TULP2: variants seen among roughly 807,000 people sequenced by gnomAD.
TULP2 encodes the protein TUB like protein 2.
A neutral mutation model predicts 60.3 loss-of-function variants in TULP2; 64 were observed. The ratio of observed to expected loss-of-function variants is 1.06; its 90% CI spans 0.87 to 1.31. TULP2 has a LOEUF of 1.31. Among genes scored for constraint, TULP2 ranks in the 50% most tolerant of loss-of-function variants. TULP2 has a pLI of 0.00. For missense variants in TULP2, 652 were observed against 667.0 expected, an observed-to-expected ratio of 0.98 and a Z score of 0.25; for synonymous variants, 267 against 265.4, an observed-to-expected ratio of 1.01 and a Z score of -0.06.
At chr19:48,893,697 G>A (rs2037253876) in intron 6 of TULP2, among the ~76,000 whole-genome samples, 1 of 152,078 alleles carries the variant, frequency 6.6e-6, no homozygotes, top group Non-Finnish European at 1.5e-5. Context: ...AGGATTACAG[G>A]TGCATGCCAC....
At chr19:48,887,430 T>C (rs1161264802) in intron 8 of TULP2, among the ~76,000 whole-genome samples, 1 of 145,010 alleles carries the variant, frequency 6.9e-6, no homozygotes, top group East Asian at 2.1e-4. Context: ...GCTCAAGCAA[T>C]CCTCTCACCT....
Position 48,888,113 on chromosome 19 carries a change from C to A in TULP2, c.785G>T (p.Arg262Leu), listed in dbSNP as rs113182131. 11 of 1,614,196 alleles carry A rather than the reference C, an allele frequency of 6.8e-6. No individual in the cohort carries two copies. Among genetic ancestry groups the A allele is most frequent in the South Asian group, 1.1e-5 (1 of 91,088 alleles). ...HMRHEASLAI[R>L]SPCPGLEEDM... ...CTCCTCCAGCCCAGGGCAGGGGGAG[C>A]GGATTGCCAAGGAGGCTTCGTGCCT... is the stretch of plus-strand genomic sequence containing the variant. Residue 262 changes from arginine to leucine, a missense_variant, in exon 8 of 13, where the codon CGC becomes CTC. Coordinates refer to ENST00000221399, the MANE Select transcript of TULP2 (RefSeq NM_003323.3).
chr19:48,888,018 T>C lies in TULP2; in HGVS notation c.880A>G (p.Lys294Glu). The C allele has an allele frequency of 6.2e-7, 1 of 1,614,216 alleles. No homozygotes were observed. Among genetic ancestry groups the C allele is most frequent in the Non-Finnish European group, 8.5e-7 (1 of 1,180,038 alleles). ...TMMQCYLTRDKHGVDKGLFPL... is the reference protein window; with the variant it reads ...TMMQCYLTRDEHGVDKGLFPL... ...AACAAGCCCTTGTCCACGCCGTGCT[T>C]GTCACGGGTGAGGTAGCACTGCATC... The change falls in exon 8 of 13, where the codon AAG (lysine) becomes GAG (glutamate). Residue 294 changes from lysine (K) to glutamate (E), a missense_variant. Transcript: ENST00000221399.
rs749616707 is a variant in TULP2 at position 48,895,030 on chromosome 19, C to T, written c.482G>A (p.Arg161Gln). The change falls in exon 6 of 13, where the codon CGA becomes CAA. Residue 161 changes from arginine (R) to glutamine (Q), a missense_variant. Physicochemically the swap from Arg to Gln is conservative, Grantham distance 43 (BLOSUM62 1). Transcript: ENST00000221399. ...TTGGTGGGCTTGCCAACCCTTGCGT[C>T]GGATTCTCGGAGACTGTTTAAAAGG... is the stretch of plus-strand genomic sequence containing the variant. ...PPPFKQSPRI[R>Q]RKGWQAHQRP... The T allele has an allele frequency of 9.9e-6, 16 of 1,613,606 alleles. No homozygotes were observed. The highest frequency in any genetic ancestry group is 1.0e-5 in the Non-Finnish European group (12 of 1,179,920).
intron 11 of TULP2, 29 bp downstream of exon 11, chr19:48,883,725 C>T (rs369273868): frequency 1.9e-5 from 30 of 1,612,292 alleles, no homozygotes; most frequent in Admixed American, 6.7e-5. Context: ...TCTCCATTGA[C>T]CCAGAGATTC....
At position 48,897,732 on chromosome 19, in the gene TULP2, G is replaced by T; in HGVS notation, c.32+105C>A. 8.0e-7 allele frequency: 1 copy of T among 1,244,184 alleles called. No homozygotes were observed. Among genetic ancestry groups the T allele is most frequent in the Non-Finnish European group, 1.2e-6 (1 of 845,900 alleles). The allele number at this position is 1,244,184 out of a possible 1,614,324, so 77.1% of individuals were successfully genotyped here. A position where few individuals can be genotyped will look rare whatever the true frequency, so the allele number is the denominator to read the frequency against. On this transcript the variant is annotated intron_variant, in intron 2 of 12. Coordinates refer to ENST00000221399, the MANE Select transcript of TULP2 (RefSeq NM_003323.3). This position sits in a 1 kb window ranked among gnomAD's most constrained non-coding sequence, Gnocchi z 4.0. ...CAGGTCCCCAGCCCCTTCCTGCAAGGCCGATGGTGCTGAACCTGCAAACAT... is the reference window on the plus strand; with the variant it reads ...CAGGTCCCCAGCCCCTTCCTGCAAGTCCGATGGTGCTGAACCTGCAAACAT...
At position 48,884,018 on chromosome 19, in the gene TULP2, T is replaced by C; in HGVS notation, c.1090A>G (p.Ile364Val). 3.7e-6 allele frequency: 6 copies of C among 1,614,118 alleles called. No homozygotes were observed. The African/African-American group carries it at 8.0e-5, about 22-fold the overall frequency. ...TCAGGATTCACCCCATTGTCAAAGA[T>C]GGTGAACTTGGTGCTGAAGACATTG... ...RSNVFSTKFT[I>V]FDNGVNPDRE... The change falls in exon 10 of 13, where the codon ATC (isoleucine) becomes GTC (valine). Residue 364 changes from isoleucine (I) to valine (V), a missense_variant. Coordinates refer to ENST00000221399, the MANE Select transcript of TULP2 (RefSeq NM_003323.3).
In TULP2 at chr19:48,888,209, G is replaced by T; in HGVS notation, c.689C>A (p.Ser230Tyr). ...REASESTGTN[S>Y]SAAHNEELSK... Reference sequence around the variant, plus strand: ...CAACTCTTCGTTGTGTGCTGCTGAGGAGTTCGTCCCTGTAGACTCAGAGGC... The same window carrying T: ...CAACTCTTCGTTGTGTGCTGCTGAGTAGTTCGTCCCTGTAGACTCAGAGGC... Residue 230 changes from serine (S) to tyrosine (Y), a missense_variant, in exon 8 of 13, where the codon TCC becomes TAC. By Grantham distance (144) the Ser-to-Tyr change is moderately radical. Coordinates refer to ENST00000221399, the MANE Select transcript of TULP2 (RefSeq NM_003323.3). The T allele has an allele frequency of 1.9e-6, 3 of 1,613,074 alleles. No homozygotes were observed. The highest frequency in any genetic ancestry group is 2.5e-6 in the Non-Finnish European group (3 of 1,179,182).
chr19:48,883,688 G>T, intron 11 of TULP2, 66 bp downstream of exon 11: 1 of 1,556,886 alleles, frequency 6.4e-7, no homozygotes, highest in Non-Finnish European at 8.8e-7. Flanking sequence ...CCTCCTCTGG[G>T]ATCTAGGAGG....
chr19:48,887,981 T>C lies in TULP2; in HGVS notation c.917A>G (p.Tyr306Cys). ...GVDKGLFPLY[Y>C]LYLETSDSLQ... is the part of the protein sequence containing the mutation. Reference sequence around the variant, plus strand: ...GCTGTCAGAGGTCTCCAGGTAGAGGTAGTAGAGGGGGAACAAGCCCTTGTC... The same window carrying C: ...GCTGTCAGAGGTCTCCAGGTAGAGGCAGTAGAGGGGGAACAAGCCCTTGTC... The change falls in exon 8 of 13, where the codon TAC becomes TGC. Residue 306 changes from tyrosine (Y) to cysteine (C), a missense_variant. Tyr to Cys is a radical substitution (Grantham distance 194, BLOSUM62 -2). Transcript: ENST00000221399. The C allele has an allele frequency of 6.2e-7, 1 of 1,613,470 alleles. No homozygotes were observed.
chr19:48,882,004 C>G (rs1303499487), intron 12 of TULP2, 28 bp downstream of exon 12: 9 of 1,614,142 alleles, frequency 5.6e-6, no homozygotes, highest in Non-Finnish European at 7.6e-6. Flanking sequence ...CCCACCTGGC[C>G]CGGCTAAACT....
At position 48,885,507 on chromosome 19, in the gene TULP2, G is replaced by T; in HGVS notation, c.1002C>A (p.Leu334=). ...ATAGGTGTGTAGGATCCAGGGAGAT[G>T]AGGTAATTAGAAGTTTTGCTCCTTC... ...KRRRSKTSNY[L]ISLDPTHLSR... Residue 334 remains leucine (L), a synonymous_variant, in exon 9 of 13, where the codon CTC becomes CTA. Coordinates refer to ENST00000221399, the MANE Select transcript of TULP2 (RefSeq NM_003323.3). 1 of 1,613,980 alleles carries T rather than the reference G, an allele frequency of 6.2e-7. No individual in the cohort carries two copies. The highest frequency in any genetic ancestry group is 1.1e-5 in the South Asian group (1 of 91,074).
intron 8 of TULP2, among the ~76,000 whole-genome samples, chr19:48,886,029 G>C (rs896802278): frequency 6.6e-6 from 1 of 152,156 alleles, no homozygotes; most frequent in East Asian, 1.9e-4. Context: ...CTGGGAGGCC[G>C]GGCACAGTGG....
Position 48,882,157 on chromosome 19 carries a change from C to T in TULP2, c.1322G>A (p.Gly441Glu). ...GGTTTTGTTGTGCAACAAAAGCAAC[C>T]CTTGTTTGTCCCCACGTTGGTAACG... is the stretch of plus-strand genomic sequence containing the variant. ...LSRYQRGDKQ[G>E]LLLLHNKTPS... Residue 441 changes from glycine (G) to glutamate (E), a missense_variant, in exon 12 of 13, where the codon GGG (glycine) becomes GAG (glutamate). Coordinates refer to ENST00000221399, the MANE Select transcript of TULP2 (RefSeq NM_003323.3). 6.2e-7 allele frequency: 1 copy of T among 1,614,138 alleles called. No homozygotes were observed. The highest frequency in any genetic ancestry group is 8.5e-7 in the Non-Finnish European group (1 of 1,180,028).
At chr19:48,889,701 ACT>A (rs780646684) in intron 6 of TULP2, 70 bp from the exon 7 acceptor site, 76 of 1,381,646 alleles carry the variant, frequency 5.5e-5, no homozygotes, top group Non-Finnish European at 7.0e-5. Context: ...GACATAGGAG[ACT>A]CCATTTTGTT....
Position 48,882,048 on chromosome 19 carries a change from G to A in TULP2, c.1431C>T (p.Ile477=), listed in dbSNP as rs1426713070. The A allele has an allele frequency of 3.7e-6, 6 of 1,614,152 alleles. No homozygotes were observed. In the African/African-American group the frequency reaches 4.0e-5, roughly 11 times the overall value. Reference sequence around the variant, plus strand: ...GGAGCTCACGGTGTTTGGGATCCACGATTTGGAAGTTCTTCACCGAAGCCC... The same window carrying A: ...GGAGCTCACGGTGTTTGGGATCCACAATTTGGAAGTTCTTCACCGAAGCCC... ...VTRASVKNFQ[I]VDPKHQEHLV... Residue 477 remains isoleucine, a synonymous_variant, in exon 12 of 13, where the codon ATC becomes ATT. Transcript: ENST00000221399.
intron 8 of TULP2, among the ~76,000 whole-genome samples, chr19:48,887,419 G>T (rs2037191271): frequency 7.2e-6 from 1 of 139,606 alleles, no homozygotes; most frequent in Admixed American, 7.8e-5. Context: ...TGAACTCCCA[G>T]GCTCAAGCAA....
Position 48,897,214 on chromosome 19 carries a change from C to T in TULP2, c.84+131G>A, listed in dbSNP as rs2037290806. 2 of 1,017,490 alleles carry T rather than the reference C, an allele frequency of 2.0e-6. No individual in the cohort carries two copies. The highest frequency in any genetic ancestry group is 4.2e-5 in the Admixed American group (2 of 48,014). 63.0% of individuals were successfully genotyped at this position (1,017,490 alleles called of 1,614,324 possible). On this transcript the variant is annotated intron_variant, in intron 3 of 12. Transcript: ENST00000221399. This position sits in a 1 kb window ranked among gnomAD's most constrained non-coding sequence, Gnocchi z 4.0. ...CCCAAATTCCTATTTTCTCATTTCT[C>T]AGTGGGAAAACTCAAGGATGAGAGA...
Position 48,883,740 on chromosome 19 carries a change from T to C in TULP2, c.1275+14A>G. 1 of 1,613,734 alleles carries C rather than the reference T, an allele frequency of 6.2e-7. No homozygotes were observed. Among genetic ancestry groups the C allele is most frequent in the Non-Finnish European group, 8.5e-7 (1 of 1,179,854 alleles). ...TCTCCATTGACCCAGAGATTCCTGA[T>C]GTCAGGGACTCACATTTAGTGGCTG... On this transcript the variant is annotated intron_variant, in intron 11 of 12. Coordinates refer to ENST00000221399, the MANE Select transcript of TULP2 (RefSeq NM_003323.3).
Sources: gnomAD v4.1 joint callset for allele counts (sites outside exome capture counted in the v4.1 genomes callset) on GRCh38, gnomAD v4.1.1 for gene constraint, Gnocchi (gnomAD v3.1) non-coding constraint, MANE v1.5 for transcripts, NCBI Gene and HGNC (gene_info 2026-07-23, HGNC 2026-07-21) for gene names.